Variants in COL3A1 observed in about 807,000 individuals in gnomAD.
The protein encoded by COL3A1 is collagen alpha-1(III) chain.
A neutral mutation model predicts 200.9 loss-of-function variants in COL3A1; 46 were observed. The ratio of observed to expected loss-of-function variants is 0.23; its 90% CI spans 0.18 to 0.29. The LOEUF is 0.29. Ranked by LOEUF, COL3A1 falls within the 10% of genes least tolerant of loss-of-function variation. The probability of loss-of-function intolerance (pLI) is 1.00; values close to 1 mark genes in which losing one functional copy is unlikely to be tolerated. For missense variants in COL3A1, 1,367 were observed against 1,917.6 expected (o/e 0.71, Z 5.36); for synonymous variants, 650 against 628.0 (o/e 1.03, Z -0.52).
chr2:189,001,495 CT>C, intron 33 of COL3A1, 40 bp from the exon 34 acceptor site: 1 of 1,614,050 alleles, frequency 6.2e-7, no homozygotes, highest in Non-Finnish European at 8.5e-7. Context: ...ATGTCTCTCT[CT>C]TTTGGATGCA....
Position 188,994,536 on chromosome 2 carries a change from T to C in COL3A1, c.1294-5T>C. 6.2e-7 allele frequency: 1 copy of C among 1,614,126 alleles called. No individual in the cohort carries two copies. Among genetic ancestry groups the C allele is most frequent in the Non-Finnish European group, 8.5e-7 (1 of 1,180,000 alleles). ...TGTTTCAACCAAGACTTTGTTATAC[T>C]TTAGGGTGAGCCTGGTAAGAATGGT... On this transcript the variant is annotated splice_polypyrimidine_tract_variant and splice_region_variant and intron_variant, in intron 18 of 50. Transcript: ENST00000304636. The surrounding 1 kb of genome is among the most constrained non-coding windows in gnomAD (Gnocchi z 4.5).
At chr2:188,998,050 G>A (rs770809165) in intron 27 of COL3A1, among the ~76,000 whole-genome samples, 13 of 152,058 alleles carry the variant, frequency 8.5e-5, no homozygotes, top group East Asian at 1.9e-4. Flanking sequence ...ACATTTTTAC[G>A]TGTAGCAATT....
intron 48 of COL3A1, 125 bp downstream of exon 48, chr2:189,009,346 C>A: frequency 1.7e-6 from 2 of 1,187,708 alleles, no homozygotes; most frequent in Non-Finnish European, 1.2e-6. Flanking sequence ...AGAAAGTTAA[C>A]TGAATTGAAA....
chr2:188,994,224 T>C lies in COL3A1; in HGVS notation c.1195-10T>C. ...GTTCGGCTAATATAGTGTCTTTGGT[T>C]TGTTCTTAGGGTCCCGCTGGCATTC... On this transcript the variant is annotated splice_polypyrimidine_tract_variant and intron_variant, in intron 17 of 50. Transcript: ENST00000304636. The surrounding 1 kb of genome is among the most constrained non-coding windows in gnomAD (Gnocchi z 4.5). 6.2e-7 allele frequency: 1 copy of C among 1,614,040 alleles called. No homozygotes were observed. The highest frequency in any genetic ancestry group is 8.5e-7 in the Non-Finnish European group (1 of 1,179,908).
At chr2:188,992,709 G>C (rs751176852) in intron 14 of COL3A1, among the ~76,000 whole-genome samples, 178 bp from the exon 15 acceptor site, 1 of 152,052 alleles carries the variant, frequency 6.6e-6, no homozygotes, top group Non-Finnish European at 1.5e-5. Flanking sequence ...TCTAACTTTA[G>C]ATTTCACTCT....
chr2:188,999,201 C>A, intron 29 of COL3A1, 84 bp from the exon 30 acceptor site: 1 of 1,229,512 alleles, frequency 8.1e-7, no homozygotes, highest in South Asian at 1.3e-5. Context: ...AACCTAGTGG[C>A]CTGATTCAAA....
At chr2:188,987,171 C>A (rs773892937) in intron 5 of COL3A1, 32 bp downstream of exon 5, 1 of 1,538,320 alleles carries the variant, frequency 6.5e-7, no homozygotes. Flanking sequence ...CATTTTGGAG[C>A]TTTATTATCT....
chr2:188,979,101 A>G (rs1451769516), intron 1 of COL3A1, among the ~76,000 whole-genome samples: 2 of 152,042 alleles, frequency 1.3e-5, no homozygotes, highest in Non-Finnish European at 2.9e-5. Context: ...AGATGTAAAC[A>G]TCAAAGAGAA....
In COL3A1 at chr2:188,997,693, T is replaced by C. The variant is rs748748066; in HGVS notation, c.1870-7T>C. On this transcript the variant is annotated splice_region_variant and splice_polypyrimidine_tract_variant and intron_variant, in intron 26 of 50. Coordinates refer to ENST00000304636, the MANE Select transcript of COL3A1 (RefSeq NM_000090.4). The stretch of plus-strand genomic sequence containing the variant: ...TTACAACAGAGTGTATCATTATACT[T>C]TTCTAGGGGCCTGGTGGTGACAAAG... 1 of 1,613,334 alleles carries C rather than the reference T, an allele frequency of 6.2e-7. No individual in the cohort carries two copies. The highest frequency in any genetic ancestry group is 8.5e-7 in the Non-Finnish European group (1 of 1,179,288).
chr2:189,005,457 T>A lies in COL3A1; in HGVS notation c.3039T>A (p.Asp1013Glu). ...GTACAGCTGGTGAACCTGGAAGAGA[T>A]GTGAGTAGCAGTTTTTATTCAACCA... Reference protein sequence around the residue: ...LAGTAGEPGRDGNPGSDGLPG... With the variant: ...LAGTAGEPGREGNPGSDGLPG... Residue 1013 changes from aspartate (D) to glutamate (E), a missense_variant and splice_region_variant, in exon 41 of 51, where the codon GAT becomes GAA. Physicochemically the swap from Asp to Glu is conservative, Grantham distance 45. Around this residue, in one of 5 missense-constraint regions of COL3A1, gnomAD observed 846 missense variants for 1,147.9 expected, o/e 0.74. Coordinates refer to ENST00000304636, the MANE Select transcript of COL3A1 (RefSeq NM_000090.4). 1 of 1,612,144 alleles carries A rather than the reference T, an allele frequency of 6.2e-7. No homozygotes were observed. The highest frequency in any genetic ancestry group is 8.5e-7 in the Non-Finnish European group (1 of 1,178,232).
rs376799861 is a variant in COL3A1 at position 189,010,893 on chromosome 2, A to G, written c.4254+3A>G. 25 of 1,614,120 alleles carry G rather than the reference A, an allele frequency of 1.5e-5. No homozygotes were observed. Among genetic ancestry groups the G allele is most frequent in the Admixed American group, 6.7e-5 (4 of 60,024 alleles). On this transcript the variant is annotated splice_donor_region_variant and intron_variant, in intron 50 of 50. Transcript: ENST00000304636. ...CAGTTCTGGAGGATGGTTGCACGGT[A>G]GGAAACATTTTTCTCAATATAGGTC...
rs1688247376 is a variant in COL3A1, at chr2:188,994,188, A to G, written c.1195-46A>G. 6.2e-7 allele frequency: 1 copy of G among 1,612,204 alleles called. No individual in the cohort carries two copies. Among genetic ancestry groups the G allele is most frequent in the Non-Finnish European group, 8.5e-7 (1 of 1,178,356 alleles). On this transcript the variant is annotated intron_variant, in intron 17 of 50. Coordinates refer to ENST00000304636, the MANE Select transcript of COL3A1 (RefSeq NM_000090.4). This position sits in a 1 kb window ranked among gnomAD's most constrained non-coding sequence, Gnocchi z 4.5. Reference sequence around the variant, plus strand: ...GATATTTAAGTGAGATATTCATAAAAGAACATTCAAGTTCGGCTAATATAG... The same window carrying G: ...GATATTTAAGTGAGATATTCATAAAGGAACATTCAAGTTCGGCTAATATAG...
intron 1 of COL3A1, among the ~76,000 whole-genome samples, chr2:188,983,760 T>C (rs41265559): frequency 3.3e-5 from 5 of 151,994 alleles, no homozygotes; most frequent in Admixed American, 2.6e-4. Context: ...ACATCATTTG[T>C]TGTTTGCAAA....
intron 34 of COL3A1, 62 bp downstream of exon 34, chr2:189,001,651 C>T: frequency 6.3e-7 from 1 of 1,587,772 alleles, no homozygotes; most frequent in Admixed American, 1.7e-5. Flanking sequence ...GCTACTTATG[C>T]TTCCCTTTTT....
Position 189,003,773 on chromosome 2 carries a change from C to T in COL3A1, c.2647C>T (p.Pro883Ser). 1 of 1,614,030 alleles carries T rather than the reference C, an allele frequency of 6.2e-7. No homozygotes were observed. ...CCCTGGTGCTCGTGGTCTTCCTGGT[C>T]CTCCTGGTAGTAATGTAAGTAATTG... is the stretch of plus-strand genomic sequence containing the variant. ...GFPGARGLPG[P>S]PGSNGNPGPP... Residue 883 changes from proline to serine, a missense_variant, in exon 38 of 51, where the codon CCT (proline) becomes TCT (serine). Pro to Ser is a moderately conservative substitution (Grantham distance 74, BLOSUM62 -1). Around this residue, in one of 5 missense-constraint regions of COL3A1, gnomAD observed 846 missense variants for 1,147.9 expected, o/e 0.74. Transcript: ENST00000304636.
rs1688264941 is a variant in COL3A1 at position 188,994,709 on chromosome 2, T to C, written c.1348-15T>C. 1.8e-6 allele frequency: 1 copy of C among 540,908 alleles called. No individual in the cohort carries two copies. Among genetic ancestry groups the C allele is most frequent in the Middle Eastern group, 4.8e-4 (1 of 2,102 alleles). 33.5% of individuals were successfully genotyped at this position (540,908 alleles called of 1,614,324 possible). A position where few individuals can be genotyped will look rare whatever the true frequency, so the allele number is the denominator to read the frequency against. On this transcript the variant is annotated splice_polypyrimidine_tract_variant and intron_variant, in intron 19 of 50. Transcript: ENST00000304636. This position sits in a 1 kb window ranked among gnomAD's most constrained non-coding sequence, Gnocchi z 4.5. ...GTCATAATTTCTTTATTTTACCATC[T>C]TTTTTTTTTTTCAGGGTGAGGCTGG...
intron 48 of COL3A1, among the ~76,000 whole-genome samples, chr2:189,009,715 TTTTCAAATA>T (rs1342208946): frequency 1.3e-5 from 2 of 152,156 alleles, no homozygotes; most frequent in Admixed American, 1.3e-4. Context: ...TTATTTCAAG[TTTTCAAATA>T]TCTTGACATG....
intron 10 of COL3A1, 29 bp downstream of exon 10, chr2:188,990,389 G>A (rs1007047377): frequency 2.4e-5 from 38 of 1,588,942 alleles, no homozygotes; most frequent in Non-Finnish European, 3.3e-5. Context: ...TTGTTTACAA[G>A]GTATTCCACT....
Position 189,004,342 on chromosome 2 carries a change from G to C in COL3A1, c.2909G>C (p.Ser970Thr), listed in dbSNP as rs1340985537. Residue 970 changes from serine to threonine, a missense_variant, in exon 40 of 51, where the codon AGC becomes ACC. Ser to Thr is a moderately conservative substitution (Grantham distance 58). This residue lies in a region of COL3A1 where 846 missense variants were observed against 1,147.9 expected (regional missense o/e 0.74). Coordinates refer to ENST00000304636, the MANE Select transcript of COL3A1 (RefSeq NM_000090.4). ...GPPGMPGPRGSPGPQGVKGES... is the reference protein window; with the variant it reads ...GPPGMPGPRGTPGPQGVKGES... ...CCAGGCATGCCAGGTCCTAGGGGAAGCCCTGGCCCTCAGGGTGTCAAGGTG... is the reference window on the plus strand; with the variant it reads ...CCAGGCATGCCAGGTCCTAGGGGAACCCCTGGCCCTCAGGGTGTCAAGGTG... 6.2e-7 allele frequency: 1 copy of C among 1,601,810 alleles called. No homozygotes were observed. Among genetic ancestry groups the C allele is most frequent in the Non-Finnish European group, 8.5e-7 (1 of 1,174,520 alleles).
Sources: allele counts gnomAD v4.1 joint callset (sites outside exome capture counted in the v4.1 genomes callset), GRCh38; gene constraint gnomAD v4.1.1; regional missense constraint gnomAD v4.1.1; non-coding constraint Gnocchi (gnomAD v3.1); transcripts MANE v1.5; gene names NCBI Gene and HGNC (gene_info 2026-07-23, HGNC 2026-07-21).